Variants in RNF185 observed in about 807,000 individuals in gnomAD.
RNF185 encodes the protein E3 ubiquitin-protein ligase RNF185.
RNF185 carries 13 observed loss-of-function variants against 24.9 expected under a neutral mutation model. The ratio of observed to expected loss-of-function variants is 0.52; its 90% CI spans 0.34 to 0.83. The LOEUF is 0.83. Ranked by LOEUF, RNF185 falls within the 40% of genes least tolerant of loss-of-function variation. The pLI is 0.01. For synonymous variants in RNF185, 79 were observed against 90.3 expected (o/e 0.88, Z 0.71); for missense variants, 184 against 244.7 (o/e 0.75, Z 1.65).
Position 31,196,966 on chromosome 22 carries a change from G to C in RNF185, c.339G>C (p.Gln113His). The C allele has an allele frequency of 6.2e-7, 1 of 1,613,074 alleles. No individual in the cohort carries two copies. Among genetic ancestry groups the C allele is most frequent in the South Asian group, 1.1e-5 (1 of 90,974 alleles). The change falls in exon 5 of 7, where the codon CAG becomes CAC. Residue 113 changes from glutamine (Q) to histidine (H), a missense_variant. By Grantham distance (24) the Gln-to-His change is conservative (BLOSUM62 0). Coordinates refer to ENST00000326132, the MANE Select transcript of RNF185 (RefSeq NM_152267.4). ...REKTPPRPQG[Q>H]RPEPENRGGF... The stretch of plus-strand genomic sequence containing the variant: ...AGACCCCTCCTCGTCCTCAAGGACA[G>C]AGGCCAGAGCCGGAGAATAGAGGGG...
Position 31,202,764 on chromosome 22 carries a change from C to T in RNF185, c.481+1149C>T, listed in dbSNP as rs556931362. ...AGTAGCTGGGACTACAGGCGCCTGC[C>T]ACCACGCCTGGCTAATTTTTTTGTA... On this transcript the variant is annotated intron_variant, in intron 6 of 6. Coordinates refer to ENST00000326132, the MANE Select transcript of RNF185 (RefSeq NM_152267.4). 1.6e-4 allele frequency among the ~76,000 whole-genome samples: 25 copies of T among 152,174 alleles called. No individual in the cohort carries two copies. In the South Asian group the frequency reaches 4.8e-3, roughly 29 times the overall value.
At chr22:31,171,964 A>G (rs1202509664) in intron 1 of RNF185, among the ~76,000 whole-genome samples, 2 of 152,054 alleles carry the variant, frequency 1.3e-5, no homozygotes, top group Non-Finnish European at 1.5e-5. Flanking sequence ...ACGAAACTCC[A>G]TCTCAAAAAA....
intron 6 of RNF185, among the ~76,000 whole-genome samples, chr22:31,202,875 A>G (rs895554949): frequency 7.9e-5 from 12 of 152,038 alleles, no homozygotes; most frequent in South Asian, 4.1e-4. Flanking sequence ...GGGCCTCCCA[A>G]TGTGCTGGGA....
At chr22:31,183,247 C>T (rs1034589) in intron 1 of RNF185, among the ~76,000 whole-genome samples, 120,436 of 152,108 alleles carry the variant, frequency 0.79, 48,630 homozygotes, top group African/African-American at 0.95. Flanking sequence ...GATGCTTGAT[C>T]AGTGTCTGAG....
chr22:31,170,567 G>C (rs1305585972), intron 1 of RNF185, among the ~76,000 whole-genome samples: 2 of 151,894 alleles, frequency 1.3e-5, no homozygotes, highest in East Asian at 3.9e-4. Context: ...GTGGAGTGCG[G>C]TAGTATGATC....
chr22:31,178,133 T>C (rs2048000932), intron 1 of RNF185, among the ~76,000 whole-genome samples: 1 of 152,242 alleles, frequency 6.6e-6, no homozygotes, highest in African/African-American at 2.4e-5. Context: ...TGTGTTGCCC[T>C]GGACATCTCA....
intron 1 of RNF185, among the ~76,000 whole-genome samples, chr22:31,162,002 T>C (rs1471261020): frequency 6.6e-6 from 1 of 151,646 alleles, no homozygotes; most frequent in Non-Finnish European, 1.5e-5. Context: ...GGATTTCAGG[T>C]GTAAGCCACT....
chr22:31,195,391 G>T lies in RNF185; in HGVS notation c.196-78G>T, dbSNP rs1307964974. ...TTTCCCAGTTTGAGGCCTCTGGCCTGTGTTGTTCTGGTGGCTCTGGCTGAT... is the reference window on the plus strand; with the variant it reads ...TTTCCCAGTTTGAGGCCTCTGGCCTTTGTTGTTCTGGTGGCTCTGGCTGAT... On this transcript the variant is annotated intron_variant, in intron 3 of 6. Transcript: ENST00000326132. 2.2e-5 allele frequency: 20 copies of T among 928,750 alleles called. 2 individuals carry two copies. In the Admixed American group the frequency reaches 3.5e-4, roughly 16 times the overall value. The allele number at this position is 928,750 out of a possible 1,614,324, so 57.5% of individuals were successfully genotyped here.
chr22:31,183,053 A>G (rs2048055532), intron 1 of RNF185: 1 of 151,846 alleles, frequency 6.6e-6, no homozygotes, highest in Non-Finnish European at 1.5e-5. Context: ...CTTCTCAAGT[A>G]GCTGGGATTA....
At chr22:31,201,778 T>C (rs1203346772) in intron 6 of RNF185, among the ~76,000 whole-genome samples, 163 bp downstream of exon 6, 3 of 152,176 alleles carry the variant, frequency 2.0e-5, no homozygotes, top group African/African-American at 7.2e-5. Context: ...ACAGACATGG[T>C]AACAATGCTG....
At chr22:31,190,596 GT>G (rs773834834) in intron 2 of RNF185, among the ~76,000 whole-genome samples, 5 of 150,308 alleles carry the variant, frequency 3.3e-5, no homozygotes, top group African/African-American at 7.3e-5. Flanking sequence ...CTGGTTTTTG[GT>G]TTTTTTTGAG....
chr22:31,197,012 G>C, intron 5 of RNF185, 22 bp downstream of exon 5: 1 of 1,613,394 alleles, frequency 6.2e-7, no homozygotes, highest in South Asian at 1.1e-5. Context: ...TCTAGGAGAA[G>C]CTTCTACAAA....
intron 1 of RNF185, among the ~76,000 whole-genome samples, chr22:31,180,725 T>C (rs35638966): frequency 6.6e-6 from 1 of 152,188 alleles, no homozygotes; most frequent in African/African-American, 2.4e-5. Flanking sequence ...TTCATTATTG[T>C]AACATATGTA....
In RNF185 at chr22:31,183,926, G is replaced by A. The variant is rs940831213; in HGVS notation, c.-48-3121G>A. ...ACCTCCCAGACGGGGTGGCGGCCGG[G>A]CAGAGGGGCTCCCACCTCCCGGACG... On this transcript the variant is annotated intron_variant, in intron 1 of 6. Transcript: ENST00000326132. Among the ~76,000 whole-genome samples, 11 of 39,858 alleles carry A rather than the reference G, an allele frequency of 2.8e-4. No individual in the cohort carries two copies. In the Admixed American group the frequency reaches 3.4e-3, roughly 12 times the overall value. 26.1% of individuals were successfully genotyped at this position (39,858 alleles called of 152,430 possible). A position where few individuals can be genotyped will look rare whatever the true frequency, so the allele number is the denominator to read the frequency against.
intron 5 of RNF185, among the ~76,000 whole-genome samples, chr22:31,200,725 G>A (rs1360961541): frequency 6.6e-6 from 1 of 152,192 alleles, no homozygotes; most frequent in Non-Finnish European, 1.5e-5. Flanking sequence ...CTGCGAAGTG[G>A]GAAGGTGAAT....
rs186655088 is a variant in RNF185 at position 31,189,088 on chromosome 22, T to C, written c.176+1818T>C. Reference sequence around the variant, plus strand: ...TTGCAGCGAGCTGAGATCGCGCCACTGCACTCCAGCCTGGGTGATGGAGCA... The same window carrying C: ...TTGCAGCGAGCTGAGATCGCGCCACCGCACTCCAGCCTGGGTGATGGAGCA... On this transcript the variant is annotated intron_variant, in intron 2 of 6. Coordinates refer to ENST00000326132, the MANE Select transcript of RNF185 (RefSeq NM_152267.4). 8.0e-4 allele frequency among the ~76,000 whole-genome samples: 120 copies of C among 149,238 alleles called. 1 individual carries two copies. Among genetic ancestry groups the C allele is most frequent in the Non-Finnish European group, 1.5e-3 (102 of 67,340 alleles).
At chr22:31,164,990 A>G (rs1323623801) in intron 1 of RNF185, among the ~76,000 whole-genome samples, 1 of 151,108 alleles carries the variant, frequency 6.6e-6, no homozygotes, top group African/African-American at 2.4e-5. Flanking sequence ...GGCTCACCGC[A>G]ACATCTGCCT....
intron 6 of RNF185, 105 bp from the exon 7 acceptor site, chr22:31,204,384 T>G: frequency 1.4e-6 from 1 of 733,410 alleles, no homozygotes; most frequent in Non-Finnish European, 2.5e-6. Context: ...AGGATTCTGA[T>G]GTTGTAAAGA....
At chr22:31,192,787 C>A in intron 3 of RNF185, 85 bp downstream of exon 3, 2 of 1,269,868 alleles carry the variant, frequency 1.6e-6, no homozygotes, top group Non-Finnish European at 2.3e-6. Flanking sequence ...CTTTCAGAAG[C>A]TGCAATCTGC....
Sources: gnomAD v4.1 joint callset for allele counts (sites outside exome capture counted in the v4.1 genomes callset) on GRCh38, gnomAD v4.1.1 for gene constraint, MANE v1.5 for transcripts, NCBI Gene and HGNC (gene_info 2026-07-23, HGNC 2026-07-21) for gene names.